The following GPR160 variants were observed in gnomAD, a reference collection of about 807,000 sequenced individuals.
The protein encoded by GPR160 is probable G protein-coupled receptor 160.
In GPR160, 2 loss-of-function variants were observed where a neutral mutation model predicts 2.6. The observed-to-expected ratio is 0.77, with a 90% CI of 0.32 to 2.44. GPR160 has a LOEUF of 2.44. GPR160 is among the 30% of genes most tolerant of loss of function. The probability of loss-of-function intolerance (pLI) is 0.11; values close to 1 mark genes in which losing one functional copy is unlikely to be tolerated. For missense variants in GPR160, 351 were observed against 383.6 expected (o/e 0.91, Z 0.71); for synonymous variants, 130 against 132.2 (o/e 0.98, Z 0.12).
In GPR160 at chr3:170,084,630, A is replaced by ACTAT. The variant is rs745603395; in HGVS notation, c.661_664dup (p.Leu222TyrfsTer17). On this transcript the variant is annotated frameshift_variant, in exon 4 of 4. Coordinates refer to ENST00000355897, the MANE Select transcript of GPR160 (RefSeq NM_014373.3). LOFTEE classifies it low-confidence loss of function (END_TRUNC). ...CAGGATAACTTCCTATATGAATGAA[A>ACTAT]CTATCTTATATTTTCCTTTTTCATC... is the stretch of plus-strand genomic sequence containing the variant. 12 of 1,611,236 alleles carry ACTAT rather than the reference A, an allele frequency of 7.4e-6. No homozygotes were observed. Among genetic ancestry groups the ACTAT allele is most frequent in the African/African-American group, 4.0e-5 (3 of 74,980 alleles).
At chr3:170,039,863 A>T (rs1411408534) in intron 2 of GPR160, among the ~76,000 whole-genome samples, 1 of 152,222 alleles carries the variant, frequency 6.6e-6, no homozygotes, top group Non-Finnish European at 1.5e-5. Flanking sequence ...CTGAAGTTGA[A>T]ATACAGCTTT....
intron 3 of GPR160, among the ~76,000 whole-genome samples, chr3:170,082,960 T>C (rs910569457): frequency 2.7e-5 from 4 of 149,520 alleles, no homozygotes; most frequent in African/African-American, 9.7e-5. Context: ...TTGTTGTTCT[T>C]GTCATTTTTG....
At position 170,083,936 on chromosome 3, in the gene GPR160, G is replaced by C. The variant is rs576429186; in HGVS notation, c.-37G>C. On this transcript the variant is annotated 5_prime_UTR_variant, in exon 4 of 4. Transcript: ENST00000355897. ...AAAATGAAGCAGTGTTTTATCATGT[G>C]TATTTCAGCAGGTCTTCTTGAAATT... The C allele has an allele frequency of 1.4e-5, 17 of 1,223,266 alleles. No homozygotes were observed. The African/African-American group carries it at 2.3e-4, about 17-fold the overall frequency. 75.8% of individuals were successfully genotyped at this position (1,223,266 alleles called of 1,614,324 possible).
intron 2 of GPR160, among the ~76,000 whole-genome samples, chr3:170,040,859 T>C (rs1184344910): frequency 6.6e-6 from 1 of 152,236 alleles, no homozygotes; most frequent in Non-Finnish European, 1.5e-5. Context: ...GCTTCAGCGA[T>C]CATGACATGT....
At chr3:170,053,527 A>C (rs576316648) in intron 2 of GPR160, among the ~76,000 whole-genome samples, 4 of 152,210 alleles carry the variant, frequency 2.6e-5, no homozygotes, top group African/African-American at 2.4e-5. Flanking sequence ...ATCAATATAC[A>C]TAAATGCCAT....
chr3:170,072,665 G>C (rs1257477848), intron 2 of GPR160, among the ~76,000 whole-genome samples: 1 of 152,032 alleles, frequency 6.6e-6, no homozygotes, highest in Non-Finnish European at 1.5e-5. Context: ...GAAGAGAAGG[G>C]AAGTCCCAGA....
chr3:170,064,518 T>TCTTTTC (rs1405891618), intron 2 of GPR160, among the ~76,000 whole-genome samples: 24 of 124,364 alleles, frequency 1.9e-4, no homozygotes, highest in Admixed American at 4.0e-4. Flanking sequence ...TCTTTTCTTT[T>TCTTTTC]TTTTTTTTTT....
intron 2 of GPR160, among the ~76,000 whole-genome samples, chr3:170,068,360 G>C (rs1712444268): frequency 6.6e-6 from 1 of 151,968 alleles, no homozygotes; most frequent in Admixed American, 6.6e-5. Context: ...TTTCCATGTT[G>C]GCCAGGCTGG....
chr3:170,046,079 A>G (rs1716708239), intron 2 of GPR160, among the ~76,000 whole-genome samples: 1 of 152,114 alleles, frequency 6.6e-6, no homozygotes, highest in Non-Finnish European at 1.5e-5. Flanking sequence ...TTTCACTTTT[A>G]CTGGGGAGAA....
intron 2 of GPR160, among the ~76,000 whole-genome samples, chr3:170,043,538 TG>T (rs1438087643): frequency 6.6e-6 from 1 of 152,196 alleles, no homozygotes; most frequent in Non-Finnish European, 1.5e-5. Flanking sequence ...CAGTCCATTT[TG>T]CAAATGGAAG....
At chr3:170,063,823 C>G (rs1263628214) in intron 2 of GPR160, among the ~76,000 whole-genome samples, 2 of 152,098 alleles carry the variant, frequency 1.3e-5, no homozygotes, top group Non-Finnish European at 2.9e-5. Context: ...TTCTCGAAAG[C>G]TTACTGAGCT....
chr3:170,045,408 CAAAAAAAAAAAAAAAAAAAAAAAAAA>C (rs368019452), intron 2 of GPR160, among the ~76,000 whole-genome samples: 5 of 33,658 alleles, frequency 1.5e-4, no homozygotes, highest in East Asian at 8.7e-4. Flanking sequence ...ACTAAAAATA[CAAAAAAAAAAAAAAAAAAAAAAAAAA>C]AAAAAAAAAA....
At chr3:170,079,692 G>A (rs1004306449) in intron 2 of GPR160, 82 bp from the exon 3 acceptor site, 3 of 152,120 alleles carry the variant, frequency 2.0e-5, no homozygotes, top group African/African-American at 4.8e-5. Context: ...TCTAAGCAGT[G>A]ATCTGGAACC....
intron 2 of GPR160, among the ~76,000 whole-genome samples, chr3:170,071,836 C>T (rs1712610673): frequency 2.0e-5 from 3 of 152,088 alleles, no homozygotes; most frequent in South Asian, 2.1e-4. Flanking sequence ...TACCCAGCCT[C>T]AGGTATTTCT....
Position 170,084,325 on chromosome 3 carries a change from T to A in GPR160, c.353T>A (p.Ile118Lys). ...TATCCAGTTTTCCTGACAGCTTGTA[T>A]AGATTATTGCCTGAATTTCTCTAAA... The part of the protein sequence containing the change: ...LHYPVFLTAC[I>K]DYCLNFSKTT... Residue 118 changes from isoleucine (I) to lysine (K), a missense_variant, in exon 4 of 4, where the codon ATA becomes AAA. Transcript: ENST00000355897. 6.2e-7 allele frequency: 1 copy of A among 1,609,346 alleles called. No homozygotes were observed. Among genetic ancestry groups the A allele is most frequent in the Non-Finnish European group, 8.5e-7 (1 of 1,176,950 alleles).
chr3:170,041,529 C>T (rs576901242), intron 2 of GPR160, among the ~76,000 whole-genome samples: 2 of 152,264 alleles, frequency 1.3e-5, no homozygotes, highest in East Asian at 3.9e-4. Context: ...ATCTGCCCGC[C>T]TCAGCCTCCC....
chr3:170,064,514 CTTTT>C lies in GPR160; in HGVS notation c.-192-15241_-192-15238del, dbSNP rs1175382810. ...GGGACCCATTCTTTTCTTTTCTTTTCTTTTTTTTTTTTTTTTTTTTTTGAGGCAG... is the reference window on the plus strand; with the variant it reads ...GGGACCCATTCTTTTCTTTTCTTTTCTTTTTTTTTTTTTTTTTTGAGGCAG... On this transcript the variant is annotated intron_variant, in intron 2 of 3. Coordinates refer to ENST00000355897, the MANE Select transcript of GPR160 (RefSeq NM_014373.3). 3.6e-3 allele frequency among the ~76,000 whole-genome samples: 290 copies of C among 81,030 alleles called. 3 individuals carry two copies. Among genetic ancestry groups the C allele is most frequent in the African/African-American group, 0.011 (268 of 24,418 alleles). The allele number at this position is 81,030 out of a possible 152,430, so 53.2% of individuals were successfully genotyped here. A position where few individuals can be genotyped will look rare whatever the true frequency, so the allele number is the denominator to read the frequency against.
intron 2 of GPR160, among the ~76,000 whole-genome samples, chr3:170,045,884 A>AT (rs1350877002): frequency 2.6e-5 from 4 of 152,142 alleles, no homozygotes; most frequent in African/African-American, 4.8e-5. Context: ...ACCTTGACTC[A>AT]TTTTTTAAAA....
At chr3:170,056,116 A>G (rs903814460) in intron 2 of GPR160, among the ~76,000 whole-genome samples, 1 of 152,170 alleles carries the variant, frequency 6.6e-6, no homozygotes, top group Non-Finnish European at 1.5e-5. Flanking sequence ...TACCTGAATG[A>G]CTAGTACAAG....
Sources: gnomAD v4.1 joint callset for allele counts (sites outside exome capture counted in the v4.1 genomes callset) on GRCh38, gnomAD v4.1.1 for gene constraint, MANE v1.5 for transcripts, NCBI Gene and HGNC (gene_info 2026-07-23, HGNC 2026-07-21) for gene names.